Variants in SLC29A4 observed in about 807,000 individuals in gnomAD.
The protein encoded by SLC29A4 is solute carrier family 29 member 4.
SLC29A4 carries 36 observed loss-of-function variants against 43.9 expected under a neutral mutation model. The ratio of observed to expected loss-of-function variants is 0.82; its 90% CI spans 0.63 to 1.08. The LOEUF is 1.08. Ranked by LOEUF, SLC29A4 falls within the 50% of genes least tolerant of loss-of-function variation. SLC29A4 has a pLI of 0.00. For missense variants in SLC29A4, 869 were observed against 755.3 expected (o/e 1.15, Z -1.77); for synonymous variants, 491 against 338.0 (o/e 1.45, Z -4.97).
At chr7:5,289,677 C>G (rs140524932) in intron 2 of SLC29A4, among the ~76,000 whole-genome samples, 1 of 152,046 alleles carries the variant, frequency 6.6e-6, no homozygotes, top group Non-Finnish European at 1.5e-5. Context: ...GTCAAGGTGA[C>G]CATAAACAGA....
At chr7:5,286,265 C>T (rs1784938927) in intron 1 of SLC29A4, among the ~76,000 whole-genome samples, 1 of 152,178 alleles carries the variant, frequency 6.6e-6, no homozygotes, top group Admixed American at 6.5e-5. Context: ...TGGCTCAGGC[C>T]TGTAATCCTA....
intron 7 of SLC29A4, 71 bp from the exon 8 acceptor site, chr7:5,298,916 GC>G: frequency 6.5e-7 from 1 of 1,541,744 alleles, no homozygotes; most frequent in Non-Finnish European, 8.7e-7. Flanking sequence ...TTCTGATTGG[GC>G]CTGGATTCCT....
chr7:5,288,102 A>C, intron 2 of SLC29A4, 117 bp downstream of exon 2: 1 of 1,285,186 alleles, frequency 7.8e-7, no homozygotes, highest in Non-Finnish European at 1.1e-6. Flanking sequence ...GACTGGAGGC[A>C]GTGCCTGTCA....
rs1282630275 is a variant in SLC29A4, at chr7:5,302,821, T to C, written c.1475T>C (p.Met492Thr). ...GGGAACACCATGACCGTGTCCTACATGTCAGGGCTGACGCTGGGGTCCGCC... is the reference window on the plus strand; with the variant it reads ...GGGAACACCATGACCGTGTCCTACACGTCAGGGCTGACGCTGGGGTCCGCC... ...LAGNTMTVSYMSGLTLGSAVA... is the reference protein window; with the variant it reads ...LAGNTMTVSYTSGLTLGSAVA... The change falls in exon 11 of 11, where the codon ATG (methionine) becomes ACG (threonine). Residue 492 changes from methionine (M) to threonine (T), a missense_variant. Physicochemically the swap from Met to Thr is moderately conservative, Grantham distance 81. Coordinates refer to ENST00000396872, the MANE Select transcript of SLC29A4 (RefSeq NM_153247.4). The C allele has an allele frequency of 2.6e-6, 4 of 1,568,484 alleles. No homozygotes were observed. Among genetic ancestry groups the C allele is most frequent in the South Asian group, 2.3e-5 (2 of 85,346 alleles).
intron 5 of SLC29A4, 101 bp downstream of exon 5, chr7:5,291,922 C>T: frequency 1.3e-6 from 2 of 1,497,896 alleles, no homozygotes; most frequent in Non-Finnish European, 1.8e-6. Context: ...ATGATGGGAA[C>T]CGGGCTGGCT....
At position 5,287,863 on chromosome 7, in the gene SLC29A4, G is replaced by A. The variant is rs1785056367; in HGVS notation, c.47G>A (p.Gly16Asp). Reference sequence around the variant, plus strand: ...CGCCTTGAGGAGCCCAGCGTGGCAGGCACACCAGACCCGGGCGTAGTGATG... The same window carrying A: ...CGCCTTGAGGAGCCCAGCGTGGCAGACACACCAGACCCGGGCGTAGTGATG... Reference protein sequence around the residue: ...SQRLEEPSVAGTPDPGVVMSF... With the variant: ...SQRLEEPSVADTPDPGVVMSF... The change falls in exon 2 of 11, where the codon GGC becomes GAC. Residue 16 changes from glycine to aspartate, a missense_variant. Physicochemically the swap from Gly to Asp is moderately conservative, Grantham distance 94. Transcript: ENST00000396872. The A allele has an allele frequency of 6.2e-7, 1 of 1,611,848 alleles. No individual in the cohort carries two copies.
chr7:5,304,413 C>G lies in SLC29A4; in HGVS notation c.*1474C>G, dbSNP rs1484881658. On this transcript the variant is annotated 3_prime_UTR_variant, in exon 11 of 11. Coordinates refer to ENST00000396872, the MANE Select transcript of SLC29A4 (RefSeq NM_153247.4). ...TGCCCCTCAGGGACTGCACTGCATC[C>G]TAGGAGTCAGAGCCTCCTGGCTTCG... The G allele has an allele frequency of 6.6e-6, 1 of 152,068 alleles. No homozygotes were observed. The highest frequency in any genetic ancestry group is 1.5e-5 in the Non-Finnish European group (1 of 68,022). 9.4% of individuals were successfully genotyped at this position (152,068 alleles called of 1,614,324 possible).
intron 10 of SLC29A4, among the ~76,000 whole-genome samples, chr7:5,302,508 A>T (rs572813185): frequency 1.8e-4 from 27 of 152,212 alleles, no homozygotes; most frequent in African/African-American, 6.5e-4. Context: ...GTACCACTGC[A>T]CTCCGGTCTG....
Position 5,285,720 on chromosome 7 carries a change from A to T in SLC29A4, c.-8-2089A>T, listed in dbSNP as rs550468344. ...GGTGACATGGGTCAGCCCCAGAGAAAATCAGGATGGGCTGAGCGCAGTGGC... is the reference window on the plus strand; with the variant it reads ...GGTGACATGGGTCAGCCCCAGAGAATATCAGGATGGGCTGAGCGCAGTGGC... On this transcript the variant is annotated intron_variant, in intron 1 of 10. Transcript: ENST00000396872. 7.0e-4 allele frequency among the ~76,000 whole-genome samples: 106 copies of T among 152,300 alleles called. 1 individual carries two copies. In the Middle Eastern group the frequency reaches 0.01, roughly 15 times the overall value.
rs952602380 is a variant in SLC29A4, at chr7:5,287,802, A to C, written c.-8-7A>C. 2.5e-6 allele frequency: 4 copies of C among 1,609,308 alleles called. No individual in the cohort carries two copies. ...CTCACCTGCTCTCTCTGCTTTCTCC[A>C]AAGCAGAGGCTGCCATGGGCTCCGT... On this transcript the variant is annotated splice_polypyrimidine_tract_variant and splice_region_variant and intron_variant, in intron 1 of 10. Transcript: ENST00000396872.
chr7:5,283,122 G>A (rs1317888887), intron 1 of SLC29A4, 40 bp downstream of exon 1: 2 of 149,528 alleles, frequency 1.3e-5, no homozygotes, highest in Non-Finnish European at 3.0e-5. Flanking sequence ...CGCCGGCGGG[G>A]ACCTGTCGGA....
At chr7:5,297,941 G>A (rs1386946346) in intron 7 of SLC29A4, among the ~76,000 whole-genome samples, 5 of 152,154 alleles carry the variant, frequency 3.3e-5, no homozygotes, top group African/African-American at 7.2e-5. Context: ...GCAGGCAGAC[G>A]TCCTTGGGGG....
In SLC29A4 at chr7:5,297,749, T is replaced by G. The variant is rs558986611; in HGVS notation, c.882+551T>G. Among the ~76,000 whole-genome samples, 953 of 152,024 alleles carry G rather than the reference T, an allele frequency of 6.3e-3. 2 individuals carry two copies. Among genetic ancestry groups the G allele is most frequent in the Middle Eastern group, 0.027 (8 of 294 alleles). ...GGGCCCCCAGAATTTCCCACAGAAG[T>G]CGCCAGCCAGGAAAGGGAGTGGTCT... On this transcript the variant is annotated intron_variant, in intron 7 of 10. Transcript: ENST00000396872.
In SLC29A4 at chr7:5,306,857, AC is replaced by A. The variant is rs1241808279; in HGVS notation, c.*3919del. The A allele has an allele frequency of 2.1e-4, 31 of 146,330 alleles. No individual in the cohort carries two copies. The South Asian group carries it at 6.4e-3, about 30-fold the overall frequency. The allele number at this position is 146,330 out of a possible 1,614,324, so 9.1% of individuals were successfully genotyped here. A position where few individuals can be genotyped will look rare whatever the true frequency, so the allele number is the denominator to read the frequency against. On this transcript the variant is annotated 3_prime_UTR_variant, in exon 11 of 11. Transcript: ENST00000396872. Reference sequence around the variant, plus strand: ...AAGATCACACAGAATTTGCCAACAAACAAAATTCCAAAAGAAACATAAAAAA... The same window carrying A: ...AAGATCACACAGAATTTGCCAACAAAAAAATTCCAAAAGAAACATAAAAAA...
At chr7:5,288,940 C>T (rs1204044134) in intron 2 of SLC29A4, among the ~76,000 whole-genome samples, 3 of 152,162 alleles carry the variant, frequency 2.0e-5, no homozygotes, top group East Asian at 3.8e-4. Context: ...TTCTGTGACC[C>T]TCGGTGTCTT....
intron 2 of SLC29A4, among the ~76,000 whole-genome samples, chr7:5,288,500 TTCACCGTGGTC>T (rs945738174): frequency 2.6e-4 from 40 of 151,864 alleles, no homozygotes; most frequent in African/African-American, 9.7e-4. Flanking sequence ...GAGACGGGGT[TTCACCGTGGTC>T]TCGATCTCCT....
Position 5,297,105 on chromosome 7 carries a change from A to G in SLC29A4, c.789A>G (p.Thr263=), listed in dbSNP as rs1583670242. ...RRSRFVLFYT[T]RPRDSHRGRP... Reference sequence around the variant, plus strand: ...GCCGCTTCGTGCTCTTCTATACCACACGGCCGCGTGACAGCCACCGGGGCA... The same window carrying G: ...GCCGCTTCGTGCTCTTCTATACCACGCGGCCGCGTGACAGCCACCGGGGCA... Residue 263 remains threonine (T), a synonymous_variant, in exon 7 of 11, where the codon ACA becomes ACG. Transcript: ENST00000396872. The G allele has an allele frequency of 6.2e-7, 1 of 1,607,098 alleles. No homozygotes were observed. The highest frequency in any genetic ancestry group is 2.2e-5 in the East Asian group (1 of 44,828).
In SLC29A4 at chr7:5,296,967, C is replaced by T. The variant is rs554238070; in HGVS notation, c.651C>T (p.Arg217=). 7.5e-6 allele frequency: 12 copies of T among 1,598,434 alleles called. No individual in the cohort carries two copies. In the African/African-American group the frequency reaches 1.1e-4, roughly 14 times the overall value. Residue 217 remains arginine, a synonymous_variant, in exon 7 of 11, where the codon CGC becomes CGT. Transcript: ENST00000396872. ...CGGGCGTGATGATCTCTCTGAGCCG[C>T]ATCCTCACGAAGCTGCTGCTGCCCG... ...STAGVMISLS[R]ILTKLLLPDE... is the part of the protein sequence containing the mutation.
chr7:5,299,483 G>A lies in SLC29A4; in HGVS notation c.1209+56G>A, dbSNP rs562153991. On this transcript the variant is annotated intron_variant, in intron 9 of 10. Transcript: ENST00000396872. ...GACGCCATGGGGTGGGGGTGACAAG[G>A]GAGGCCCTGGCCTATCCGGGAAGGG... 6.4e-4 allele frequency: 1,005 copies of A among 1,558,210 alleles called. 14 individuals are homozygous for A. In the South Asian group the frequency reaches 0.011, roughly 18 times the overall value.
Sources: gnomAD v4.1 joint callset for allele counts (sites outside exome capture counted in the v4.1 genomes callset) on GRCh38, gnomAD v4.1.1 for gene constraint, MANE v1.5 for transcripts, NCBI Gene and HGNC (gene_info 2026-07-23, HGNC 2026-07-21) for gene names.